MACROH2A2: variants seen among roughly 807,000 people sequenced by gnomAD.
MACROH2A2 encodes macroH2A.2 histone.
A neutral mutation model predicts 37.6 loss-of-function variants in MACROH2A2; 6 were observed. The observed-to-expected ratio is 0.16, with a 90% confidence interval of 0.09 to 0.32. The LOEUF (loss-of-function observed/expected upper bound fraction) is 0.32. MACROH2A2 is among the 10% of genes least tolerant of loss of function. The pLI, the probability that MACROH2A2 is intolerant of heterozygous loss-of-function variation, is 1.00. For synonymous variants in MACROH2A2, 192 were observed against 202.7 expected (o/e 0.95, Z 0.45); for missense variants, 290 against 485.9 (o/e 0.60, Z 3.79).
At chr10:70,085,320 G>A (rs970951243) in intron 2 of MACROH2A2, among the ~76,000 whole-genome samples, 3 of 152,182 alleles carry the variant, frequency 2.0e-5, no homozygotes, top group African/African-American at 7.2e-5. Flanking sequence ...GGCTGGAGGT[G>A]CAGATTCAGT....
intron 1 of MACROH2A2, among the ~76,000 whole-genome samples, chr10:70,061,027 T>C (rs991381297): frequency 1.3e-5 from 2 of 151,964 alleles, no homozygotes; most frequent in Non-Finnish European, 2.9e-5. Context: ...ACCAGACTAC[T>C]TTGTCTTTTT....
At chr10:70,087,907 T>C (rs1469862995) in intron 2 of MACROH2A2, among the ~76,000 whole-genome samples, 4 of 152,248 alleles carry the variant, frequency 2.6e-5, no homozygotes, top group African/African-American at 9.6e-5. Flanking sequence ...TTCTAATTTT[T>C]TGTTAATCAC....
chr10:70,054,041 G>C (rs2071996262), intron 1 of MACROH2A2, among the ~76,000 whole-genome samples: 1 of 152,100 alleles, frequency 6.6e-6, no homozygotes, highest in African/African-American at 2.4e-5. Context: ...GTCCTCCCCC[G>C]CCTTTCCTTG....
intron 1 of MACROH2A2, among the ~76,000 whole-genome samples, chr10:70,064,090 T>G (rs1288598212): frequency 6.6e-6 from 1 of 152,196 alleles, no homozygotes; most frequent in East Asian, 1.9e-4. Context: ...TACAAGAGGC[T>G]GGGCATGGTG....
intron 1 of MACROH2A2, among the ~76,000 whole-genome samples, chr10:70,063,303 G>A (rs2072060147): frequency 6.6e-6 from 1 of 152,116 alleles, no homozygotes; most frequent in African/African-American, 2.4e-5. Context: ...ATTCAATAAG[G>A]GCACATGCTA....
intron 7 of MACROH2A2, among the ~76,000 whole-genome samples, chr10:70,104,360 A>AG (rs1353748053): frequency 6.6e-6 from 1 of 150,778 alleles, no homozygotes; most frequent in Non-Finnish European, 1.5e-5. Context: ...GTGGACAGAG[A>AG]GGAAAAAAAA....
intron 2 of MACROH2A2, among the ~76,000 whole-genome samples, chr10:70,077,654 G>A (rs909761601): frequency 6.6e-5 from 10 of 152,176 alleles, no homozygotes; most frequent in African/African-American, 2.4e-4. Context: ...GGCAGATCAC[G>A]AGGTCAGGAG....
chr10:70,071,080 T>A (rs1191121374), intron 1 of MACROH2A2, among the ~76,000 whole-genome samples: 1 of 128,330 alleles, frequency 7.8e-6, no homozygotes. Flanking sequence ...TGTGCATGAG[T>A]GTGTGTGTGT....
Position 70,108,504 on chromosome 10 carries a change from G to C in MACROH2A2, c.779-529G>C, listed in dbSNP as rs545844312. The stretch of plus-strand genomic sequence containing the variant: ...CCAATCTCTGTCTCCTTCATCCCAC[G>C]GCCTTCTCCTGCCTTTGACCTTCTT... On this transcript the variant is annotated intron_variant, in intron 7 of 8. Transcript: ENST00000373255. Among the ~76,000 whole-genome samples, 7 of 152,190 alleles carry C rather than the reference G, an allele frequency of 4.6e-5. No individual in the cohort carries two copies. The East Asian group carries it at 1.2e-3, about 25-fold the overall frequency.
In MACROH2A2 at chr10:70,090,909, G is replaced by A. The variant is rs866371917; in HGVS notation, c.279+743G>A. Among the ~76,000 whole-genome samples, 8 of 152,206 alleles carry A rather than the reference G, an allele frequency of 5.3e-5. No individual in the cohort carries two copies. The South Asian group carries it at 8.3e-4, about 16-fold the overall frequency. ...ACCAGTTCATGGGTGAGCCATGGTC[G>A]CAGACCATGCTTGGGGTAGTGTTGG... On this transcript the variant is annotated intron_variant, in intron 3 of 8. Coordinates refer to ENST00000373255, the MANE Select transcript of MACROH2A2 (RefSeq NM_018649.3).
intron 6 of MACROH2A2, among the ~76,000 whole-genome samples, chr10:70,096,130 A>G (rs2072275273): frequency 6.6e-6 from 1 of 152,148 alleles, no homozygotes; most frequent in South Asian, 2.1e-4. Context: ...GTCCTTTCTT[A>G]TCAAAGCAGA....
intron 4 of MACROH2A2, among the ~76,000 whole-genome samples, chr10:70,092,702 A>T (rs1019514954): frequency 1.3e-5 from 2 of 152,088 alleles, no homozygotes; most frequent in Non-Finnish European, 1.5e-5. Flanking sequence ...AGGTTTCCAA[A>T]CCCTAAGCAG....
chr10:70,106,193 C>T (rs190722110), intron 7 of MACROH2A2, among the ~76,000 whole-genome samples: 271 of 152,296 alleles, frequency 1.8e-3, no homozygotes, highest in African/African-American at 6.2e-3. Context: ...CTAGAAGCTC[C>T]CAGCAGCAGC....
At chr10:70,106,594 C>G (rs1311397197) in intron 7 of MACROH2A2, among the ~76,000 whole-genome samples, 1 of 151,898 alleles carries the variant, frequency 6.6e-6, no homozygotes, top group Non-Finnish European at 1.5e-5. Context: ...GTCAGGAGTT[C>G]AAGACCAACC....
Position 70,075,755 on chromosome 10 carries a change from A to G in MACROH2A2, c.97A>G (p.Lys33Glu). ...FPVGRLMRYLKKGTFKYRISV... is the reference protein window; with the variant it reads ...FPVGRLMRYLEKGTFKYRISV... ...AGTGGGGAGGCTGATGCGTTATCTG[A>G]AGAAAGGGACGTTCAAGTACCGGAT... Residue 33 changes from lysine to glutamate, a missense_variant, in exon 2 of 9, where the codon AAG (lysine) becomes GAG (glutamate). This residue lies in a region of MACROH2A2 where 83 missense variants were observed against 159.9 expected (regional missense o/e 0.52). Transcript: ENST00000373255. The surrounding 1 kb of genome is among the most constrained non-coding windows in gnomAD (Gnocchi z 5.0). The G allele has an allele frequency of 6.2e-7, 1 of 1,614,084 alleles. No homozygotes were observed. Among genetic ancestry groups the G allele is most frequent in the Non-Finnish European group, 8.5e-7 (1 of 1,179,970 alleles).
rs532838494 is a variant in MACROH2A2, at chr10:70,097,627, C to T, written c.688+1874C>T. ...CCACCCATGGCCACCTTTGTTTCAG[C>T]TCTTACCCCCTCCACATACTTCCAG... On this transcript the variant is annotated intron_variant, in intron 6 of 8. Transcript: ENST00000373255. Among the ~76,000 whole-genome samples, 5 of 152,334 alleles carry T rather than the reference C, an allele frequency of 3.3e-5. No homozygotes were observed. In the South Asian group the frequency reaches 1.0e-3, roughly 32 times the overall value.
At chr10:70,071,215 C>T (rs1291835336) in intron 1 of MACROH2A2, among the ~76,000 whole-genome samples, 6 of 152,132 alleles carry the variant, frequency 3.9e-5, no homozygotes, top group Non-Finnish European at 5.9e-5. Flanking sequence ...TCACAGAGCA[C>T]GTCCACCCTG....
At position 70,111,768 on chromosome 10, in the gene MACROH2A2, AT is replaced by A. The variant is rs1302253078; in HGVS notation, c.*86del. On this transcript the variant is annotated 3_prime_UTR_variant, in exon 9 of 9. Transcript: ENST00000373255. ...TTTTTAAAAGGAGAGAGGAGGGGTGATGGCAGGGGAGTGGAGGGTGGCCGGG... is the reference window on the plus strand; with the variant it reads ...TTTTTAAAAGGAGAGAGGAGGGGTGAGGCAGGGGAGTGGAGGGTGGCCGGG... The A allele has an allele frequency of 8.1e-7, 1 of 1,233,070 alleles. No individual in the cohort carries two copies. The highest frequency in any genetic ancestry group is 1.1e-6 in the Non-Finnish European group (1 of 918,044). The allele number at this position is 1,233,070 out of a possible 1,614,324, so 76.4% of individuals were successfully genotyped here.
At position 70,068,034 on chromosome 10, in the gene MACROH2A2, C is replaced by T. The variant is rs139272887; in HGVS notation, c.-59-7566C>T. Among the ~76,000 whole-genome samples, 385 of 151,978 alleles carry T rather than the reference C, an allele frequency of 2.5e-3. 1 individual carries two copies. Among genetic ancestry groups the T allele is most frequent in the African/African-American group, 8.9e-3 (367 of 41,444 alleles). On this transcript the variant is annotated intron_variant, in intron 1 of 8. Transcript: ENST00000373255. ...CTGAAATTAACCCTTGTTGCCTGTA[C>T]TTGTCTCTCTCAATGAGACCAATGA...
Sources: allele counts gnomAD v4.1 joint callset (sites outside exome capture counted in the v4.1 genomes callset), GRCh38; gene constraint gnomAD v4.1.1; regional missense constraint gnomAD v4.1.1; non-coding constraint Gnocchi (gnomAD v3.1); transcripts MANE v1.5; gene names NCBI Gene and HGNC (gene_info 2026-07-23, HGNC 2026-07-21).